The following HELZ variants were observed in gnomAD, a reference collection of about 807,000 sequenced individuals.
The protein encoded by HELZ is ATP-dependent RNA helicase with zinc finger domain.
Under a neutral mutation model 218.2 loss-of-function variants are expected in HELZ, and 23 were observed. That is an observed-to-expected ratio of 0.11 (90% CI 0.08 to 0.15). The LOEUF (loss-of-function observed/expected upper bound fraction) is 0.15, where lower values mean the gene tolerates loss of function less well. HELZ is among the 10% of genes least tolerant of loss of function. The pLI is 1.00. For synonymous variants in HELZ, 814 were observed against 829.4 expected (o/e 0.98, Z 0.32); for missense variants, 1,813 against 2,353.7 (o/e 0.77, Z 4.75).
chr17:67,116,959 C>G (rs1418224353), intron 27 of HELZ, among the ~76,000 whole-genome samples: 1 of 152,124 alleles, frequency 6.6e-6, no homozygotes, highest in Non-Finnish European at 1.5e-5. Context: ...CAGGTTCAAG[C>G]AATTCTTCTG....
intron 4 of HELZ, among the ~76,000 whole-genome samples, chr17:67,216,993 T>G (rs2040617217): frequency 6.6e-6 from 1 of 152,178 alleles, no homozygotes; most frequent in South Asian, 2.1e-4. Flanking sequence ...GATGCTCATT[T>G]TCCCTTGGTG....
intron 31 of HELZ, among the ~76,000 whole-genome samples, chr17:67,097,367 T>C (rs1248892887): frequency 6.6e-6 from 1 of 152,186 alleles, no homozygotes; most frequent in Non-Finnish European, 1.5e-5. Flanking sequence ...GTAAAAACTA[T>C]AATATCTGTG....
intron 3 of HELZ, among the ~76,000 whole-genome samples, chr17:67,222,985 C>A (rs1387104573): frequency 6.6e-6 from 1 of 151,652 alleles, no homozygotes; most frequent in East Asian, 1.9e-4. Context: ...CGGTGGCTCA[C>A]GCCTGTAATC....
rs975227788 is a variant in HELZ at position 67,148,849 on chromosome 17, A to G, written c.2476-135T>C. On this transcript the variant is annotated intron_variant, in intron 19 of 32. Transcript: ENST00000358691. Reference sequence around the variant, plus strand: ...ACATGCTAAATGCTGGGACAAGCACAATCAGTAATATTTTCTCTGAACCAT... The same window carrying G: ...ACATGCTAAATGCTGGGACAAGCACGATCAGTAATATTTTCTCTGAACCAT... The G allele has an allele frequency of 3.7e-5, 29 of 775,080 alleles. No homozygotes were observed. In the East Asian group the frequency reaches 7.7e-4, roughly 20 times the overall value. The allele number at this position is 775,080 out of a possible 1,614,324, so 48.0% of individuals were successfully genotyped here.
chr17:67,116,111 G>T (rs1023413605), intron 27 of HELZ, among the ~76,000 whole-genome samples: 5 of 151,888 alleles, frequency 3.3e-5, no homozygotes, highest in African/African-American at 9.7e-5. Flanking sequence ...AGTAGTCTGT[G>T]ATAGGTTAAA....
intron 31 of HELZ, among the ~76,000 whole-genome samples, chr17:67,089,694 G>GAGAGAGAGAGAGAGAC (rs776184027): frequency 0.035 from 3,414 of 98,940 alleles, 113 homozygotes; most frequent in East Asian, 0.094. Flanking sequence ...GAGAGAGAGA[G>GAGAGAGAGAGAGAGAC]AGAGAGACAG....
At position 67,167,754 on chromosome 17, in the gene HELZ, C is replaced by T; in HGVS notation, c.1473G>A (p.Met491Ile). ...KVQLQILASFMLTGVSGGAKY... is the reference protein window; with the variant it reads ...KVQLQILASFILTGVSGGAKY... ...TTGCACCTCCAGAAACACCAGTGAG[C>T]ATGAAGCTTGCCAGAATCTGCAATT... Residue 491 changes from methionine to isoleucine, a missense_variant, in exon 14 of 33, where the codon ATG becomes ATA. Coordinates refer to ENST00000358691, the MANE Select transcript of HELZ (RefSeq NM_014877.4). 1 of 1,612,864 alleles carries T rather than the reference C, an allele frequency of 6.2e-7. No homozygotes were observed. Among genetic ancestry groups the T allele is most frequent in the Non-Finnish European group, 8.5e-7 (1 of 1,179,038 alleles).
At chr17:67,190,078 A>C (rs1436922734) in intron 10 of HELZ, 79 bp downstream of exon 10, 1 of 1,248,670 alleles carries the variant, frequency 8.0e-7, no homozygotes, top group East Asian at 2.3e-5. Flanking sequence ...AAATAAACCA[A>C]AATAGAGCAC....
chr17:67,229,864 T>C (rs2040989567), intron 3 of HELZ, among the ~76,000 whole-genome samples: 1 of 152,226 alleles, frequency 6.6e-6, no homozygotes, highest in Admixed American at 6.5e-5. Flanking sequence ...TCACTGAGTA[T>C]GCAAGAAGCA....
intron 28 of HELZ, among the ~76,000 whole-genome samples, chr17:67,111,553 G>T (rs1320199656): frequency 6.6e-6 from 1 of 152,140 alleles, no homozygotes; most frequent in African/African-American, 2.4e-5. Flanking sequence ...TGCAGCTGGG[G>T]TACACTTGGT....
At chr17:67,226,052 G>A (rs1224194375) in intron 3 of HELZ, among the ~76,000 whole-genome samples, 1 of 152,000 alleles carries the variant, frequency 6.6e-6, no homozygotes, top group African/African-American at 2.4e-5. Flanking sequence ...ACAAGGTCAA[G>A]CGATCAAGAC....
intron 3 of HELZ, among the ~76,000 whole-genome samples, chr17:67,235,105 C>A (rs1412091919): frequency 6.6e-6 from 1 of 152,166 alleles, no homozygotes; most frequent in Non-Finnish European, 1.5e-5. Flanking sequence ...TTGGATCCCT[C>A]AGAACAGAGC....
At chr17:67,167,028 TAATA>T (rs760398284) in intron 14 of HELZ, among the ~76,000 whole-genome samples, 1 of 152,166 alleles carries the variant, frequency 6.6e-6, no homozygotes, top group Non-Finnish European at 1.5e-5. Context: ...AATTTACAAT[TAATA>T]AATAATGTTC....
At chr17:67,176,810 C>G (rs1598374613) in intron 13 of HELZ, 1 of 152,210 alleles carries the variant, frequency 6.6e-6, no homozygotes, top group East Asian at 1.9e-4. Flanking sequence ...CCACTGCATT[C>G]CAGCCTCAGT....
At chr17:67,157,837 C>A (rs1471810126) in intron 17 of HELZ, among the ~76,000 whole-genome samples, 1 of 152,070 alleles carries the variant, frequency 6.6e-6, no homozygotes, top group Non-Finnish European at 1.5e-5. Flanking sequence ...TATAAAACAA[C>A]AATTACCTTC....
chr17:67,146,777 T>C (rs147454265), intron 20 of HELZ, among the ~76,000 whole-genome samples: 40 of 152,288 alleles, frequency 2.6e-4, no homozygotes, highest in African/African-American at 9.6e-4. Context: ...AACCTAAAAA[T>C]GGTTTTCACA....
Position 67,086,923 on chromosome 17 carries a change from G to A in HELZ, c.5400C>T (p.Ser1800=). The change falls in exon 32 of 33, where the codon TCC becomes TCT. Residue 1800 remains serine, a synonymous_variant. Transcript: ENST00000358691. ...HSNQSSFNFS[S]PESWVNTTSS... ...AGGTGGTGTTTACCCAGGACTCCGG[G>A]GATGAAAAGTTGAAAGAAGATTGGT... 6.2e-7 allele frequency: 1 copy of A among 1,613,430 alleles called. No homozygotes were observed. Among genetic ancestry groups the A allele is most frequent in the South Asian group, 1.1e-5 (1 of 91,056 alleles).
In HELZ at chr17:67,104,370, C is replaced by T. The variant is rs1005338364; in HGVS notation, c.5241+2799G>A. Among the ~76,000 whole-genome samples the T allele has an allele frequency of 2.7e-5, 4 of 148,814 alleles. No homozygotes were observed. In the South Asian group the frequency reaches 6.8e-4, roughly 25 times the overall value. The stretch of plus-strand genomic sequence containing the variant: ...AGCAGAATGGCGTGAACCCGGGAGG[C>T]GGAGCTTGCAGTGAGCCGAGATGGC... On this transcript the variant is annotated intron_variant, in intron 31 of 32. Transcript: ENST00000358691.
rs1006331425 is a variant in HELZ at position 67,105,556 on chromosome 17, A to C, written c.5241+1613T>G. 4.6e-5 allele frequency among the ~76,000 whole-genome samples: 7 copies of C among 152,360 alleles called. No homozygotes were observed. In the East Asian group the frequency reaches 1.3e-3, roughly 29 times the overall value. ...TAGTGATGACTGTATAACATTGTGA[A>C]TACACTAAAATCCACCAAATTGTAC... On this transcript the variant is annotated intron_variant, in intron 31 of 32. Coordinates refer to ENST00000358691, the MANE Select transcript of HELZ (RefSeq NM_014877.4).
Sources: gnomAD v4.1 joint callset for allele counts (sites outside exome capture counted in the v4.1 genomes callset) on GRCh38, gnomAD v4.1.1 for gene constraint, MANE v1.5 for transcripts, NCBI Gene and HGNC (gene_info 2026-07-23, HGNC 2026-07-21) for gene names.